Variants in SV2C observed in about 807,000 individuals in gnomAD.
The protein encoded by SV2C is synaptic vesicle glycoprotein 2C, also known as solute carrier family 22 member B3.
A neutral mutation model predicts 79.7 loss-of-function variants in SV2C; 49 were observed. The ratio of observed to expected loss-of-function variants is 0.61; its 90% confidence interval spans 0.49 to 0.78. SV2C has a LOEUF of 0.78. Among genes scored for constraint, SV2C ranks in the 30% least tolerant of loss-of-function variants. SV2C has a pLI of 0.00. For synonymous variants in SV2C, 334 were observed against 333.2 expected, an observed-to-expected ratio of 1.00 and a Z score of -0.03; for missense variants, 833 against 912.9, an observed-to-expected ratio of 0.91 and a Z score of 1.13.
intron 2 of SV2C, among the ~76,000 whole-genome samples, chr5:76,187,946 C>T (rs1045631701): frequency 2.6e-5 from 4 of 152,128 alleles, no homozygotes; most frequent in East Asian, 1.9e-4. Context: ...TTTCTCTTTA[C>T]GTGATGCCAA....
the SV2C span, among the ~76,000 whole-genome samples, chr5:75,896,163 T>C: frequency 1.3e-5 from 2 of 151,666 alleles, no homozygotes; most frequent in Non-Finnish European, 2.9e-5. Flanking sequence ...GCTGCACCCA[T>C]TAACTTGTCA....
chr5:75,916,847 C>G, the SV2C span, among the ~76,000 whole-genome samples: 1 of 152,320 alleles, frequency 6.6e-6, no homozygotes, highest in East Asian at 1.9e-4. Context: ...GCTGTTCCCC[C>G]AGTGCCAGCC....
At chr5:76,078,451 A>G (rs1464715017), upstream of SV2C, among the ~76,000 whole-genome samples, 7 of 152,232 alleles carry the variant, frequency 4.6e-5, no homozygotes, top group African/African-American at 1.7e-4. Flanking sequence ...TATGAGTATT[A>G]GAATGTAAGA....
chr5:76,194,254 GCTCA>G (rs1180866354), intron 2 of SV2C, among the ~76,000 whole-genome samples: 1 of 152,142 alleles, frequency 6.6e-6, no homozygotes, highest in Non-Finnish European at 1.5e-5. Flanking sequence ...ATCTATAAAA[GCTCA>G]CTTTCTGATT....
chr5:76,169,948 T>C (rs1187260597), intron 2 of SV2C, among the ~76,000 whole-genome samples: 1 of 151,844 alleles, frequency 6.6e-6, no homozygotes, highest in East Asian at 1.9e-4. Context: ...CTATTAGAAG[T>C]CAAACTATAC....
the SV2C span, among the ~76,000 whole-genome samples, chr5:75,933,822 G>C: frequency 1.3e-5 from 2 of 152,152 alleles, no homozygotes; most frequent in Non-Finnish European, 1.5e-5. Context: ...TTGCCTGCCT[G>C]ACCAAAACTA....
At chr5:75,993,192 T>G in the SV2C span, among the ~76,000 whole-genome samples, 1 of 152,116 alleles carries the variant, frequency 6.6e-6, no homozygotes, top group African/African-American at 2.4e-5. Context: ...AATAATAATT[T>G]TACTATTTTT....
chr5:75,881,194 G>A, the SV2C span, among the ~76,000 whole-genome samples: 2 of 152,114 alleles, frequency 1.3e-5, no homozygotes, highest in Non-Finnish European at 2.9e-5. Context: ...ATGTTTCAAC[G>A]AGATTTGGAG....
intron 4 of SV2C, among the ~76,000 whole-genome samples, chr5:76,279,625 T>C (rs917518779): frequency 3.3e-5 from 5 of 152,112 alleles, no homozygotes; most frequent in Admixed American, 2.6e-4. Context: ...GCAGTTTCTG[T>C]GGAATTTGGG....
chr5:75,974,924 G>T, the SV2C span, among the ~76,000 whole-genome samples: 1 of 152,172 alleles, frequency 6.6e-6, no homozygotes, highest in South Asian at 2.1e-4. Context: ...GAAAAAACTT[G>T]TCAAAGTCAC....
chr5:76,274,480 A>G (rs1446748907), intron 4 of SV2C, among the ~76,000 whole-genome samples: 1 of 152,116 alleles, frequency 6.6e-6, no homozygotes, highest in Non-Finnish European at 1.5e-5. Flanking sequence ...TATAAATGAA[A>G]TCACTATTAT....
intron 4 of SV2C, among the ~76,000 whole-genome samples, chr5:76,238,298 GTGTGTA>G (rs944336746): frequency 4.7e-5 from 7 of 150,404 alleles, no homozygotes; most frequent in African/African-American, 1.7e-4. Flanking sequence ...GGAGGGGTGT[GTGTGTA>G]TGTGTGTGTG....
chr5:75,857,157 C>T, the SV2C span, among the ~76,000 whole-genome samples: 1 of 151,976 alleles, frequency 6.6e-6, no homozygotes, highest in Non-Finnish European at 1.5e-5. Flanking sequence ...CAGGGTTTCA[C>T]CGTGTTAGCC....
At chr5:76,078,074 AAG>A in the SV2C span, among the ~76,000 whole-genome samples, 1 of 152,192 alleles carries the variant, frequency 6.6e-6, no homozygotes, top group African/African-American at 2.4e-5. Context: ...AGCCACATCT[AAG>A]AGTAGTGGGT....
the SV2C span, among the ~76,000 whole-genome samples, chr5:75,963,779 T>G: frequency 1.3e-5 from 2 of 152,258 alleles, no homozygotes; most frequent in Admixed American, 1.3e-4. Context: ...TCTCTCTTCC[T>G]GGAATGCCTA....
intron 4 of SV2C, among the ~76,000 whole-genome samples, chr5:76,254,354 C>A (rs990471251): frequency 1.3e-5 from 2 of 151,918 alleles, no homozygotes; most frequent in Non-Finnish European, 2.9e-5. Context: ...TTATTTGCAT[C>A]CCTACTTTTC....
chr5:76,081,361 T>C (rs927135970), upstream of SV2C, among the ~76,000 whole-genome samples: 2 of 152,192 alleles, frequency 1.3e-5, no homozygotes, highest in Non-Finnish European at 1.5e-5. Flanking sequence ...TGCCAGCACA[T>C]TTTGCAGTTG....
chr5:76,037,828 C>T, the SV2C span, among the ~76,000 whole-genome samples: 4 of 152,228 alleles, frequency 2.6e-5, no homozygotes, highest in Non-Finnish European at 5.9e-5. Context: ...CAATGTCGGG[C>T]GCCCCTCCCC....
the SV2C span, among the ~76,000 whole-genome samples, chr5:75,928,823 C>T: frequency 6.6e-6 from 1 of 152,148 alleles, no homozygotes; most frequent in South Asian, 2.1e-4. Context: ...CCCCATCTCA[C>T]CTTACCAACT....
Sources: gnomAD v4.1 joint callset for allele counts (sites outside exome capture counted in the v4.1 genomes callset) on GRCh38, gnomAD v4.1.1 for gene constraint, MANE v1.5 for transcripts, NCBI Gene and HGNC (gene_info 2026-07-23, HGNC 2026-07-21) for gene names.